PLCE1: variants seen among roughly 807,000 people sequenced by gnomAD.
PLCE1 encodes the protein 1-phosphatidylinositol 4,5-bisphosphate phosphodiesterase epsilon-1.
A neutral mutation model predicts 242.8 loss-of-function variants in PLCE1; 119 were observed. The ratio of observed to expected loss-of-function variants is 0.49; its 90% CI spans 0.42 to 0.57. PLCE1 has a LOEUF of 0.57. Among genes scored for constraint, PLCE1 ranks in the 20% least tolerant of loss-of-function variants. The pLI, the probability that PLCE1 is intolerant of heterozygous loss-of-function variation, is 0.00. For synonymous variants in PLCE1, 945 were observed against 1,017.4 expected, an observed-to-expected ratio of 0.93 and a Z score of 1.35; for missense variants, 2,441 against 2,788.8, an observed-to-expected ratio of 0.88 and a Z score of 2.81.
chr10:94,116,272 G>A (rs2046126753), intron 2 of PLCE1, among the ~76,000 whole-genome samples: 1 of 152,034 alleles, frequency 6.6e-6, no homozygotes, highest in Non-Finnish European at 1.5e-5. Context: ...GGCTTTTCTT[G>A]TTTTCTGTGT....
At chr10:94,186,407 T>C (rs61886324) in intron 4 of PLCE1, among the ~76,000 whole-genome samples, 34,021 of 152,194 alleles carry the variant, frequency 0.22, 4,538 homozygotes, top group Non-Finnish European at 0.29. Flanking sequence ...CACATGGGCA[T>C]AGTATTTTAT....
intron 1 of PLCE1, among the ~76,000 whole-genome samples, chr10:93,996,978 T>G (rs1423855334): frequency 6.6e-6 from 1 of 152,206 alleles, no homozygotes; most frequent in Non-Finnish European, 1.5e-5. Flanking sequence ...GGTTTCCAAA[T>G]GAAATTTAGT....
chr10:94,065,048 T>C (rs2044161057), intron 2 of PLCE1, among the ~76,000 whole-genome samples: 1 of 152,228 alleles, frequency 6.6e-6, no homozygotes, highest in Non-Finnish European at 1.5e-5. Context: ...GGAAACTATC[T>C]GTTTTTCCTC....
intron 4 of PLCE1, among the ~76,000 whole-genome samples, chr10:94,187,765 C>T (rs1388217352): frequency 6.6e-6 from 1 of 152,234 alleles, no homozygotes; most frequent in Non-Finnish European, 1.5e-5. Context: ...TCCCACGATT[C>T]AGATTCCATA....
At chr10:94,158,035 C>T (rs1261790547) in intron 3 of PLCE1, among the ~76,000 whole-genome samples, 3 of 152,024 alleles carry the variant, frequency 2.0e-5, no homozygotes, top group African/African-American at 7.2e-5. Context: ...CAATTCCTGG[C>T]ACATTGTAAG....
At chr10:94,051,674 T>C (rs535605621) in intron 2 of PLCE1, among the ~76,000 whole-genome samples, 1 of 152,332 alleles carries the variant, frequency 6.6e-6, no homozygotes, top group South Asian at 2.1e-4. Flanking sequence ...GGATTCAGAA[T>C]TGAAATGCGC....
chr10:94,312,790 C>T (rs182812702), intron 27 of PLCE1, among the ~76,000 whole-genome samples: 4 of 152,208 alleles, frequency 2.6e-5, no homozygotes, highest in East Asian at 1.9e-4. Flanking sequence ...ACAAAATGCC[C>T]GAAGAATTGA....
chr10:94,069,712 G>A (rs2044298345), intron 2 of PLCE1, among the ~76,000 whole-genome samples: 1 of 152,190 alleles, frequency 6.6e-6, no homozygotes, highest in Admixed American at 6.5e-5. Context: ...AAAGAGTTGG[G>A]ATTTAAGAAC....
chr10:94,257,518 C>G (rs1329016720), intron 11 of PLCE1, among the ~76,000 whole-genome samples: 3 of 152,164 alleles, frequency 2.0e-5, no homozygotes, highest in Non-Finnish European at 4.4e-5. Context: ...TTGGAACCAA[C>G]CCAAATGTCC....
chr10:94,247,142 G>A (rs1388187519), intron 8 of PLCE1, among the ~76,000 whole-genome samples: 1 of 144,776 alleles, frequency 6.9e-6, no homozygotes, highest in Non-Finnish European at 1.5e-5. Context: ...AAGTTAATAT[G>A]TGTAAAGCCA....
chr10:94,297,590 TAAAAAAAAAAAAAAAAAAAAAAAAAA>T (rs71031568), intron 23 of PLCE1, among the ~76,000 whole-genome samples: 1 of 56,568 alleles, frequency 1.8e-5, no homozygotes, highest in Non-Finnish European at 3.6e-5. Flanking sequence ...TTTAAATTTG[TAAAAAAAAAAAAAAAAAAAAAAAAAA>T]AAAAAAAAAA....
intron 7 of PLCE1, among the ~76,000 whole-genome samples, chr10:94,237,984 G>A (rs537104264): frequency 9.9e-5 from 15 of 152,156 alleles, no homozygotes; most frequent in African/African-American, 3.4e-4. Flanking sequence ...CTACAGCAAA[G>A]AAAGAAGGGA....
intron 4 of PLCE1, among the ~76,000 whole-genome samples, chr10:94,221,725 G>C (rs1416782912): frequency 6.6e-6 from 1 of 152,008 alleles, no homozygotes; most frequent in East Asian, 1.9e-4. Context: ...CAAGAGGGAA[G>C]TTCTGTCTAA....
intron 4 of PLCE1, among the ~76,000 whole-genome samples, chr10:94,181,702 A>C (rs72814612): frequency 0.075 from 11,429 of 152,284 alleles, 595 homozygotes; most frequent in Admixed American, 0.13. Context: ...TGAGTCCAGG[A>C]GTTCAAGACA....
intron 2 of PLCE1, among the ~76,000 whole-genome samples, chr10:94,115,060 T>C (rs1382436672): frequency 6.6e-6 from 1 of 152,146 alleles, no homozygotes; most frequent in Non-Finnish European, 1.5e-5. Context: ...GAATGATGGT[T>C]TCCAGCTTCA....
At chr10:94,053,649 G>T (rs981678894) in intron 2 of PLCE1, among the ~76,000 whole-genome samples, 1 of 152,194 alleles carries the variant, frequency 6.6e-6, no homozygotes, top group Admixed American at 6.5e-5. Context: ...TAGGTGGAGG[G>T]CTGGGATCCA....
chr10:94,264,595 C>G (rs556435872), intron 14 of PLCE1, among the ~76,000 whole-genome samples: 122 of 123,270 alleles, frequency 9.9e-4, no homozygotes, highest in African/African-American at 3.0e-3. Flanking sequence ...GATCTTTGTT[C>G]ACTGCAACCT....
chr10:94,198,184 A>G (rs893697995), intron 4 of PLCE1, among the ~76,000 whole-genome samples: 4 of 152,124 alleles, frequency 2.6e-5, no homozygotes, highest in Non-Finnish European at 5.9e-5. Flanking sequence ...ACTTCCAAGT[A>G]TGAACAAGAA....
chr10:94,096,340 ACT>A (rs923907986), intron 2 of PLCE1: 7 of 152,306 alleles, frequency 4.6e-5, no homozygotes, highest in African/African-American at 1.4e-4. Flanking sequence ...CATACTGAAG[ACT>A]GGGTAATTTA....
Sources: gnomAD v4.1 joint callset for allele counts (sites outside exome capture counted in the v4.1 genomes callset) on GRCh38, gnomAD v4.1.1 for gene constraint, MANE v1.5 for transcripts, NCBI Gene and HGNC (gene_info 2026-07-23, HGNC 2026-07-21) for gene names.